The following SPOCK3 variants were observed in gnomAD, a reference collection of about 807,000 sequenced individuals.
SPOCK3 encodes the protein SPARC (osteonectin), cwcv and kazal like domains proteoglycan 3.
In SPOCK3, 30 loss-of-function variants were observed where a neutral mutation model predicts 56.6. The ratio of observed to expected loss-of-function variants is 0.53; its 90% CI spans 0.40 to 0.72. The LOEUF is 0.72. SPOCK3 is among the 30% of genes least tolerant of loss of function. The probability of loss-of-function intolerance (pLI) is 0.00; values close to 1 mark genes in which losing one functional copy is unlikely to be tolerated. For missense variants in SPOCK3, 527 were observed against 530.0 expected, an observed-to-expected ratio of 0.99 and a Z score of 0.06; for synonymous variants, 196 against 183.3, an observed-to-expected ratio of 1.07 and a Z score of -0.56.
intron 4 of SPOCK3, among the ~76,000 whole-genome samples, chr4:166,952,776 G>A (rs899926667): frequency 2.3e-4 from 35 of 152,164 alleles, no homozygotes; most frequent in Admixed American, 4.6e-4. Flanking sequence ...CAGAAATGAC[G>A]CCACATATCT....
intron 4 of SPOCK3, among the ~76,000 whole-genome samples, chr4:166,931,649 A>G (rs1739798450): frequency 6.6e-6 from 1 of 152,320 alleles, no homozygotes; most frequent in East Asian, 1.9e-4. Context: ...TCTATTCTTC[A>G]TCTACCTCCA....
At chr4:166,862,641 A>G (rs72697539) in intron 6 of SPOCK3, among the ~76,000 whole-genome samples, 7,718 of 152,108 alleles carry the variant, frequency 0.051, 269 homozygotes, top group Non-Finnish European at 0.066. Context: ...AGTCAATAAA[A>G]TGCTTTGTTA....
intron 2 of SPOCK3, among the ~76,000 whole-genome samples, chr4:167,205,379 T>A (rs1224342830): frequency 2.6e-5 from 1 of 38,078 alleles, no homozygotes; most frequent in Non-Finnish European, 4.2e-5. Context: ...TTTATATATA[T>A]AATATATATA....
intron 4 of SPOCK3, among the ~76,000 whole-genome samples, chr4:166,936,634 T>C (rs1274052303): frequency 6.6e-6 from 1 of 152,082 alleles, no homozygotes; most frequent in Non-Finnish European, 1.5e-5. Flanking sequence ...TCTTTTTTAT[T>C]AGTAATTCCC....
At chr4:167,064,187 G>T (rs1453160421) in intron 2 of SPOCK3, among the ~76,000 whole-genome samples, 4 of 151,284 alleles carry the variant, frequency 2.6e-5, no homozygotes, top group Admixed American at 6.6e-5. Context: ...TTCTGTAATT[G>T]CACCCCACCA....
At chr4:167,036,890 GAA>G (rs1403888862) in intron 3 of SPOCK3, among the ~76,000 whole-genome samples, 1 of 151,910 alleles carries the variant, frequency 6.6e-6, no homozygotes, top group Non-Finnish European at 1.5e-5. Context: ...CATATTGTTT[GAA>G]AATTTTGTAA....
chr4:166,902,688 C>T lies in SPOCK3; in HGVS notation c.474+9932G>A, dbSNP rs76254114. 5.1e-3 allele frequency among the ~76,000 whole-genome samples: 767 copies of T among 151,550 alleles called. 11 individuals carry two copies. The East Asian group carries it at 0.06, about 12-fold the overall frequency. On this transcript the variant is annotated intron_variant, in intron 5 of 10. Coordinates refer to ENST00000357545, the MANE Select transcript of SPOCK3 (RefSeq NM_001040159.2). ...CTATGTTACGTACATAATACATATA[C>T]ATGTACACTCACATATATATAAGTT...
intron 2 of SPOCK3, among the ~76,000 whole-genome samples, chr4:167,211,112 T>A (rs917511970): frequency 6.6e-6 from 1 of 152,182 alleles, no homozygotes; most frequent in Non-Finnish European, 1.5e-5. Flanking sequence ...ATGTGAGACA[T>A]AGGGTTAAAG....
intron 3 of SPOCK3, among the ~76,000 whole-genome samples, chr4:167,013,501 T>G (rs2150148897): frequency 6.6e-6 from 1 of 151,162 alleles, no homozygotes; most frequent in South Asian, 2.1e-4. Flanking sequence ...ATACAGTGAA[T>G]ATTAGTATAA....
intron 6 of SPOCK3, among the ~76,000 whole-genome samples, chr4:166,826,579 T>C (rs979279091): frequency 6.6e-6 from 1 of 152,096 alleles, no homozygotes; most frequent in Admixed American, 6.6e-5. Flanking sequence ...CAAATGGATA[T>C]TAAGGATAAT....
chr4:166,829,586 C>G (rs1440250431), intron 6 of SPOCK3, among the ~76,000 whole-genome samples: 1 of 152,000 alleles, frequency 6.6e-6, no homozygotes, highest in African/African-American at 2.4e-5. Context: ...ACTTACTAAT[C>G]GTCTCAATAC....
chr4:167,131,245 T>A (rs1762673735), intron 2 of SPOCK3, among the ~76,000 whole-genome samples: 1 of 152,038 alleles, frequency 6.6e-6, no homozygotes, highest in South Asian at 2.1e-4. Flanking sequence ...ATAAACTTTT[T>A]AAAAATGAAC....
intron 2 of SPOCK3, among the ~76,000 whole-genome samples, chr4:167,108,383 C>T (rs1484651806): frequency 4.6e-5 from 7 of 151,738 alleles, no homozygotes; most frequent in East Asian, 3.9e-4. Context: ...TATTCACAAT[C>T]GCCAACATTT....
intron 2 of SPOCK3, chr4:167,062,790 C>T: frequency 2.1e-6 from 1 of 473,654 alleles, no homozygotes; most frequent in South Asian, 4.7e-5. Context: ...ATTTTCATTG[C>T]AAGTCAATGG....
chr4:166,824,773 C>G (rs1745288318), intron 6 of SPOCK3, among the ~76,000 whole-genome samples: 1 of 151,996 alleles, frequency 6.6e-6, no homozygotes, highest in African/African-American at 2.4e-5. Flanking sequence ...TTATCAATCC[C>G]AGGTCACCTA....
chr4:167,080,904 G>C (rs1237157529), intron 2 of SPOCK3, among the ~76,000 whole-genome samples: 15 of 144,208 alleles, frequency 1.0e-4, no homozygotes, highest in African/African-American at 3.9e-4. Flanking sequence ...TTTTGAGATG[G>C]AGTTTTGCTC....
intron 3 of SPOCK3, among the ~76,000 whole-genome samples, chr4:167,021,247 T>C (rs578055793): frequency 2.0e-5 from 3 of 152,216 alleles, no homozygotes; most frequent in African/African-American, 7.2e-5. Context: ...AAGTGGCTCA[T>C]TAAATGTCTA....
chr4:167,023,071 T>A (rs925869430), intron 3 of SPOCK3, among the ~76,000 whole-genome samples: 4 of 149,868 alleles, frequency 2.7e-5, no homozygotes, highest in East Asian at 2.0e-4. Flanking sequence ...TGCACAGGAA[T>A]TTTTTTTTTG....
chr4:167,069,899 T>C (rs1756513333), intron 2 of SPOCK3, among the ~76,000 whole-genome samples: 1 of 151,698 alleles, frequency 6.6e-6, no homozygotes, highest in African/African-American at 2.4e-5. Flanking sequence ...TTTCTCTGAG[T>C]TTTTCCTTCT....
Sources: gnomAD v4.1 joint callset for allele counts (sites outside exome capture counted in the v4.1 genomes callset) on GRCh38, gnomAD v4.1.1 for gene constraint, MANE v1.5 for transcripts, NCBI Gene and HGNC (gene_info 2026-07-23, HGNC 2026-07-21) for gene names.